MYO5C: variants seen among roughly 807,000 people sequenced by gnomAD.
The protein encoded by MYO5C is myosin VC, also known as unconventional myosin-Vc.
MYO5C carries 194 observed loss-of-function variants against 235.7 expected under a neutral mutation model. The observed-to-expected ratio is 0.82, with a 90% CI of 0.73 to 0.93. The LOEUF is 0.93. MYO5C is among the 40% of genes least tolerant of loss of function. The pLI, the probability that MYO5C is intolerant of heterozygous loss-of-function variation, is 0.00. For synonymous variants in MYO5C, 707 were observed against 754.8 expected (o/e 0.94, Z 1.04); for missense variants, 2,038 against 2,127.2 (o/e 0.96, Z 0.82).
intron 10 of MYO5C, among the ~76,000 whole-genome samples, chr15:52,258,406 G>C (rs902253872): frequency 6.6e-6 from 1 of 152,086 alleles, no homozygotes; most frequent in African/African-American, 2.4e-5. Flanking sequence ...TCATTCCCAG[G>C]GGTCTGACCC....
At chr15:52,226,517 G>T (rs1161419474) in intron 25 of MYO5C, among the ~76,000 whole-genome samples, 1 of 152,214 alleles carries the variant, frequency 6.6e-6, no homozygotes, top group Non-Finnish European at 1.5e-5. Context: ...GTATTTAAGG[G>T]CTCCAGCCCC....
At chr15:52,204,213 A>G (rs1208946917) in intron 38 of MYO5C, among the ~76,000 whole-genome samples, 1 of 151,766 alleles carries the variant, frequency 6.6e-6, no homozygotes, top group South Asian at 2.1e-4. Flanking sequence ...TGTGGATCCA[A>G]CCTAGCTCTT....
At chr15:52,283,706 A>C (rs1364326542) in intron 1 of MYO5C, among the ~76,000 whole-genome samples, 2 of 151,380 alleles carry the variant, frequency 1.3e-5, no homozygotes, top group Non-Finnish European at 1.5e-5. Flanking sequence ...ATGGATTTTC[A>C]TTCTTGTTGC....
chr15:52,261,227 A>C, intron 9 of MYO5C, 100 bp from the exon 10 acceptor site: 1 of 1,385,154 alleles, frequency 7.2e-7, no homozygotes, highest in Non-Finnish European at 9.7e-7. Flanking sequence ...GGCCTGTGCA[A>C]GAGCTGAGTA....
chr15:52,281,327 C>G (rs1247930545), intron 2 of MYO5C, among the ~76,000 whole-genome samples: 3 of 152,232 alleles, frequency 2.0e-5, no homozygotes, highest in Non-Finnish European at 4.4e-5. Context: ...AAAGAGAGGT[C>G]TGGCTGCCCG....
chr15:52,240,116 G>GA (rs1247884449), intron 20 of MYO5C, among the ~76,000 whole-genome samples: 2 of 152,300 alleles, frequency 1.3e-5, no homozygotes, highest in East Asian at 3.9e-4. Context: ...TCTTTATGCA[G>GA]AAAAACAGTC....
At chr15:52,205,697 T>C (rs2035296462) in intron 37 of MYO5C, 119 bp downstream of exon 37, 1 of 553,044 alleles carries the variant, frequency 1.8e-6, no homozygotes, top group Middle Eastern at 4.9e-4. Flanking sequence ...TACATGATTA[T>C]ATTTCCTTGG....
intron 22 of MYO5C, chr15:52,236,844 C>G (rs1348030192): frequency 1.3e-5 from 2 of 152,186 alleles, no homozygotes; most frequent in Admixed American, 1.3e-4. Context: ...TTTTGTTATT[C>G]TCATTTTATA....
At chr15:52,244,325 G>C in intron 19 of MYO5C, 31 bp downstream of exon 19, 1 of 1,600,778 alleles carries the variant, frequency 6.2e-7, no homozygotes, top group Non-Finnish European at 8.5e-7. Flanking sequence ...AAGCCCCACA[G>C]TTCCACATGT....
At chr15:52,197,499 G>C (rs781184619) in intron 38 of MYO5C, among the ~76,000 whole-genome samples, 23 of 152,162 alleles carry the variant, frequency 1.5e-4, no homozygotes, top group Non-Finnish European at 3.1e-4. Flanking sequence ...GAGTTGGGGT[G>C]GGGGATGAGA....
intron 29 of MYO5C, among the ~76,000 whole-genome samples, chr15:52,223,081 G>A (rs887475175): frequency 1.1e-4 from 16 of 151,676 alleles, no homozygotes; most frequent in East Asian, 3.9e-4. Context: ...CCTGGGAGGC[G>A]GAGGTTGCAG....
chr15:52,251,462 G>A lies in MYO5C; in HGVS notation c.1590C>T (p.Val530=). The A allele has an allele frequency of 6.2e-7, 1 of 1,605,180 alleles. No individual in the cohort carries two copies. Residue 530 remains valine, a synonymous_variant, in exon 13 of 41, where the codon GTC becomes GTT. Transcript: ENST00000261839. ...GCTTTTCAAACAAAGGGTTCCTGTT[G>A]ACAAAATTATTATACAGCTTTTGAA... ...NWLQKLYNNF[V]NRNPLFEKPR...
intron 5 of MYO5C, 145 bp from the exon 6 acceptor site, chr15:52,272,868 C>G (rs2036956797): frequency 1.4e-6 from 1 of 719,060 alleles, no homozygotes; most frequent in Non-Finnish European, 2.3e-6. Flanking sequence ...GAAAGCAACC[C>G]CACGCTGGCA....
intron 38 of MYO5C, among the ~76,000 whole-genome samples, 154 bp downstream of exon 38, chr15:52,204,711 G>A (rs2035261231): frequency 1.3e-5 from 2 of 152,014 alleles, no homozygotes; most frequent in Admixed American, 6.5e-5. Context: ...CCAGCATCCC[G>A]GGGCTCCTAG....
At chr15:52,291,751 T>TGTTTTTG (rs2037398817) in intron 1 of MYO5C, among the ~76,000 whole-genome samples, 1 of 124,218 alleles carries the variant, frequency 8.1e-6, no homozygotes, top group Non-Finnish European at 1.7e-5. Flanking sequence ...TTTTTTTTTT[T>TGTTTTTG]TTTTTGAGAC....
At chr15:52,273,990 C>T (rs1233393235) in intron 5 of MYO5C, among the ~76,000 whole-genome samples, 1 of 152,088 alleles carries the variant, frequency 6.6e-6, no homozygotes, top group Non-Finnish European at 1.5e-5. Context: ...CTTCCCATCC[C>T]TCACACTCTC....
intron 36 of MYO5C, 100 bp from the exon 37 acceptor site, chr15:52,206,066 A>C: frequency 1.3e-6 from 1 of 746,890 alleles, no homozygotes; most frequent in Non-Finnish European, 2.0e-6. Flanking sequence ...TTAATGTCTG[A>C]TTTATATCAA....
intron 1 of MYO5C, among the ~76,000 whole-genome samples, chr15:52,286,943 AAAAAAAG>A (rs1414650800): frequency 3.8e-4 from 56 of 146,630 alleles, no homozygotes; most frequent in East Asian, 2.3e-3. Context: ...TCAATAAAAA[AAAAAAAG>A]AAAAAAGAAA....
chr15:52,289,448 C>T (rs1337178925), intron 1 of MYO5C, among the ~76,000 whole-genome samples: 1 of 152,212 alleles, frequency 6.6e-6, no homozygotes, highest in Non-Finnish European at 1.5e-5. Context: ...GCTCTCTTGC[C>T]CCTCATGTCA....
Sources: allele counts gnomAD v4.1 joint callset (sites outside exome capture counted in the v4.1 genomes callset), GRCh38; gene constraint gnomAD v4.1.1; transcripts MANE v1.5; gene names NCBI Gene and HGNC (gene_info 2026-07-23, HGNC 2026-07-21).